IL1RAPL2: variants seen among roughly 807,000 people sequenced by gnomAD.
IL1RAPL2 encodes the protein interleukin 1 receptor accessory protein like 2.
IL1RAPL2 carries 3 observed loss-of-function variants against 44.1 expected under a neutral mutation model. The ratio of observed to expected loss-of-function variants is 0.07; its 90% CI spans 0.03 to 0.18. The LOEUF is 0.18. IL1RAPL2 is among the 10% of genes least tolerant of loss of function. The probability of loss-of-function intolerance (pLI) is 1.00; values close to 1 mark genes in which losing one functional copy is unlikely to be tolerated. For synonymous variants in IL1RAPL2, 181 were observed against 178.8 expected (o/e 1.01, Z -0.10); for missense variants, 391 against 496.4 (o/e 0.79, Z 2.02).
intron 5 of IL1RAPL2, among the ~76,000 whole-genome samples, chrX:105,378,009 C>T (rs2056063044): frequency 9.0e-6 from 1 of 111,588 alleles, no homozygotes; most frequent in African/African-American, 3.3e-5. Context: ...TATAACAAGG[C>T]CATTTTGCCA....
At chrX:105,173,235 T>G (rs998242620) in intron 2 of IL1RAPL2, among the ~76,000 whole-genome samples, 1 of 111,856 alleles carries the variant, frequency 8.9e-6, no homozygotes, top group Non-Finnish European at 1.9e-5. Flanking sequence ...GTAGGGACAT[T>G]TCTGATGTCT....
At chrX:105,380,088 G>A (rs754341091) in intron 5 of IL1RAPL2, among the ~76,000 whole-genome samples, 1 of 111,990 alleles carries the variant, frequency 8.9e-6, no homozygotes, top group African/African-American at 3.2e-5. Context: ...AATATGTCAA[G>A]TTTCTTTGCT....
chrX:105,629,090 A>T (rs992340800), intron 6 of IL1RAPL2, among the ~76,000 whole-genome samples: 2 of 111,941 alleles, frequency 1.8e-5, no homozygotes, highest in African/African-American at 6.5e-5. Flanking sequence ...AGAATCAGAT[A>T]ACTTGAAGGG....
At chrX:105,142,670 CGT>C (rs1422271860) in intron 2 of IL1RAPL2, among the ~76,000 whole-genome samples, 1 of 108,650 alleles carries the variant, frequency 9.2e-6, no homozygotes, top group African/African-American at 3.4e-5. Flanking sequence ...GGTACATGCA[CGT>C]AACATGCAGG....
chrX:105,297,382 G>A (rs1039449461), intron 5 of IL1RAPL2, among the ~76,000 whole-genome samples: 1 of 111,783 alleles, frequency 8.9e-6, no homozygotes, highest in African/African-American at 3.3e-5. Flanking sequence ...TAAGCGGGGT[G>A]TTTTAGTCCG....
chrX:105,082,789 T>A (rs1326474004), intron 2 of IL1RAPL2, among the ~76,000 whole-genome samples: 1 of 111,408 alleles, frequency 9.0e-6, no homozygotes, highest in Non-Finnish European at 1.9e-5. Context: ...AGAGACCCCA[T>A]CCGAAGGTCA....
At chrX:105,015,325 G>A (rs1344902195) in intron 2 of IL1RAPL2, among the ~76,000 whole-genome samples, 3 of 110,886 alleles carry the variant, frequency 2.7e-5, no homozygotes, top group African/African-American at 6.5e-5. Context: ...ATTAGATCCC[G>A]TTTGTGAATT....
Position 105,007,380 on chromosome X carries a change from T to C in IL1RAPL2, c.83-188095T>C, listed in dbSNP as rs2030961152. Among the ~76,000 whole-genome samples, 5 of 111,682 alleles carry C rather than the reference T, an allele frequency of 4.5e-5. No homozygotes were observed. In the South Asian group the frequency reaches 1.9e-3, roughly 41 times the overall value. On this transcript the variant is annotated intron_variant, in intron 2 of 10. Coordinates refer to ENST00000372582, the MANE Select transcript of IL1RAPL2 (RefSeq NM_017416.2). ...TGTCCAGAACTAAACTAAACCTGGG[T>C]CATCTGATACAAGCCAGTGCTGTTT...
At chrX:104,634,532 G>C (rs1030731060) in intron 1 of IL1RAPL2, among the ~76,000 whole-genome samples, 2 of 111,680 alleles carry the variant, frequency 1.8e-5, no homozygotes, top group Non-Finnish European at 3.8e-5. Context: ...GTGCTCCTGT[G>C]CTGGGTGCAT....
intron 5 of IL1RAPL2, among the ~76,000 whole-genome samples, chrX:105,383,550 A>G (rs749644452): frequency 8.9e-6 from 1 of 112,377 alleles, no homozygotes; most frequent in South Asian, 3.7e-4. Flanking sequence ...GGCTATTGAG[A>G]AAAGTGCTGC....
rs1463560781 is a variant in IL1RAPL2, at chrX:105,271,101, G to T, written c.697+3560G>T. On this transcript the variant is annotated intron_variant, in intron 5 of 10. Transcript: ENST00000372582. ...CCAGATATTCAAAACTGATAAACTA[G>T]AAGGTTATCATTTGCTTTAATGAAA... Among the ~76,000 whole-genome samples the T allele has an allele frequency of 4.5e-5, 5 of 112,151 alleles. No individual in the cohort carries two copies. The Admixed American group carries it at 4.8e-4, about 11-fold the overall frequency.
At chrX:104,943,904 C>T (rs1289846324) in intron 2 of IL1RAPL2, among the ~76,000 whole-genome samples, 5 of 112,114 alleles carry the variant, frequency 4.5e-5, no homozygotes, top group Admixed American at 2.8e-4. Context: ...GCACATAGCA[C>T]AGGATTAGCA....
intron 2 of IL1RAPL2, among the ~76,000 whole-genome samples, chrX:104,863,770 T>G (rs1922549723): frequency 2.7e-5 from 3 of 112,285 alleles, no homozygotes; most frequent in African/African-American, 9.7e-5. Context: ...ACCGTATTTA[T>G]GATGAAAATG....
At chrX:104,652,391 A>G (rs1930169383) in intron 1 of IL1RAPL2, among the ~76,000 whole-genome samples, 1 of 112,080 alleles carries the variant, frequency 8.9e-6, no homozygotes, top group Non-Finnish European at 1.9e-5. Context: ...AAACACTAAA[A>G]GTTTCCACTC....
chrX:105,315,328 A>C (rs1456615448), intron 5 of IL1RAPL2, among the ~76,000 whole-genome samples: 1 of 108,110 alleles, frequency 9.2e-6, no homozygotes, highest in Non-Finnish European at 1.9e-5. Flanking sequence ...GGCAACTTTG[A>C]AGAGACAGTC....
At chrX:105,205,262 G>A (rs1184806760) in intron 3 of IL1RAPL2, among the ~76,000 whole-genome samples, 1 of 110,123 alleles carries the variant, frequency 9.1e-6, no homozygotes, top group East Asian at 2.9e-4. Flanking sequence ...CATGTGTAAA[G>A]GTCATGAAAT....
intron 1 of IL1RAPL2, among the ~76,000 whole-genome samples, chrX:104,603,199 G>A: frequency 9.0e-6 from 1 of 111,354 alleles, no homozygotes; most frequent in Non-Finnish European, 1.9e-5. Flanking sequence ...ATTGGGAGTG[G>A]ACCTCCAGCA....
At chrX:105,217,742 C>G (rs1556169191) in intron 3 of IL1RAPL2, among the ~76,000 whole-genome samples, 1 of 112,141 alleles carries the variant, frequency 8.9e-6, no homozygotes, top group African/African-American at 3.2e-5. Context: ...AAATGTGGCA[C>G]ATATACACCA....
intron 2 of IL1RAPL2, among the ~76,000 whole-genome samples, chrX:104,816,617 TTG>T (rs1262371101): frequency 8.9e-6 from 1 of 112,265 alleles, no homozygotes; most frequent in African/African-American, 3.2e-5. Context: ...TAGTTATGAT[TTG>T]ATAGTCAAAT....
Sources: allele counts gnomAD v4.1 joint callset (sites outside exome capture counted in the v4.1 genomes callset), GRCh38; gene constraint gnomAD v4.1.1; transcripts MANE v1.5; gene names NCBI Gene and HGNC (gene_info 2026-07-23, HGNC 2026-07-21).